ZNF723: variants seen among roughly 807,000 people sequenced by gnomAD.
ZNF723 encodes zinc finger protein 723.
ZNF723 carries 5 observed loss-of-function variants against 9.4 expected under a neutral mutation model. That is an observed-to-expected ratio of 0.53 (90% CI 0.28 to 1.12). The LOEUF (loss-of-function observed/expected upper bound fraction) is 1.12. ZNF723 is among the 50% of genes most tolerant of loss of function. ZNF723 has a pLI of 0.10. For synonymous variants in ZNF723, 158 were observed against 168.8 expected (o/e 0.94, Z 0.49); for missense variants, 450 against 501.5 (o/e 0.90, Z 0.98).
chr19:22,835,105 A>AC (rs540676641), intron 1 of ZNF723, among the ~76,000 whole-genome samples: 254 of 141,426 alleles, frequency 1.8e-3, no homozygotes, highest in African/African-American at 6.9e-3. Context: ...CTCTCTTGTC[A>AC]CCCAGGCTTA....
intron 1 of ZNF723, among the ~76,000 whole-genome samples, chr19:22,836,854 T>C (rs1466132414): frequency 6.6e-6 from 1 of 152,218 alleles, no homozygotes; most frequent in African/African-American, 2.4e-5. Context: ...TCATCTTTCT[T>C]CCATTTGACA....
intron 1 of ZNF723, among the ~76,000 whole-genome samples, chr19:22,836,978 C>A (rs1967175510): frequency 6.6e-6 from 1 of 152,010 alleles, no homozygotes; most frequent in Admixed American, 6.6e-5. Context: ...TGGAAGTCCC[C>A]AGTTTTTAAA....
At chr19:22,826,309 C>A in the ZNF723 span, among the ~76,000 whole-genome samples, 2 of 151,522 alleles carry the variant, frequency 1.3e-5, no homozygotes, top group Non-Finnish European at 2.9e-5. Context: ...ATACCTATGC[C>A]CGGCTAACAG....
At chr19:22,836,060 T>C (rs1967161882) in intron 1 of ZNF723, among the ~76,000 whole-genome samples, 1 of 140,496 alleles carries the variant, frequency 7.1e-6, no homozygotes, top group East Asian at 2.0e-4. Context: ...ACTGAGTAAA[T>C]AACTGACATA....
chr19:22,816,977 G>A, the ZNF723 span, among the ~76,000 whole-genome samples: 27 of 152,230 alleles, frequency 1.8e-4, no homozygotes, highest in Admixed American at 2.0e-4. Context: ...CCTAGGTGAT[G>A]CGGCTATTTT....
intron 3 of ZNF723, among the ~76,000 whole-genome samples, chr19:22,856,857 T>C (rs1967486920): frequency 6.6e-6 from 1 of 152,186 alleles, no homozygotes; most frequent in African/African-American, 2.4e-5. Flanking sequence ...AAGAGCTGTT[T>C]TGGGTAGATG....
intron 1 of ZNF723, among the ~76,000 whole-genome samples, chr19:22,833,175 C>T (rs549478035): frequency 2.0e-5 from 3 of 151,712 alleles, no homozygotes; most frequent in Non-Finnish European, 2.9e-5. Flanking sequence ...TTTTTTGAGA[C>T]GGAATTTCAC....
In ZNF723 at chr19:22,849,256, G is replaced by T; in HGVS notation, c.189G>T (p.Trp63Cys). ...GTCTGGAGCAAGGAAAAGAGCCCTG[G>T]AATATGAAGAGACACAAGATGGTAG... ...ITCLEQGKEPWNMKRHKMVAK... is the reference protein window; with the variant it reads ...ITCLEQGKEPCNMKRHKMVAK... The change falls in exon 3 of 4, where the codon TGG (tryptophan) becomes TGT (cysteine). Residue 63 changes from tryptophan (W) to cysteine (C), a missense_variant. Around this residue, in one of 5 missense-constraint regions of ZNF723, gnomAD observed 143 missense variants for 101.3 expected, o/e 1.41. Transcript: ENST00000600766. 2 of 652,070 alleles carry T rather than the reference G, an allele frequency of 3.1e-6. No homozygotes were observed. Among genetic ancestry groups the T allele is most frequent in the Admixed American group, 4.3e-5 (2 of 46,484 alleles). The allele number at this position is 652,070 out of a possible 1,614,324, so 40.4% of individuals were successfully genotyped here.
intron 3 of ZNF723, among the ~76,000 whole-genome samples, chr19:22,853,949 T>C (rs1171820570): frequency 6.6e-6 from 1 of 152,232 alleles, no homozygotes; most frequent in Non-Finnish European, 1.5e-5. Flanking sequence ...ATCCTGATGT[T>C]GAGGAGTGTT....
At chr19:22,822,068 C>A in the ZNF723 span, among the ~76,000 whole-genome samples, 5 of 152,156 alleles carry the variant, frequency 3.3e-5, no homozygotes, top group East Asian at 9.7e-4. Context: ...TGATATCATG[C>A]CATCGTACTC....
chr19:22,857,707 T>C lies in ZNF723; in HGVS notation c.816T>C (p.Leu272=). The part of the protein sequence containing the change: ...CGKTFNMFSS[L]NNHKRIHTGE... The stretch of plus-strand genomic sequence containing the variant: ...AAACCTTTAATATGTTCTCAAGCCT[T>C]AATAATCATAAGAGAATTCACACTG... Residue 272 remains leucine, a synonymous_variant, in exon 4 of 4, where the codon CTT becomes CTC. Transcript: ENST00000600766. The C allele has an allele frequency of 7.9e-7, 1 of 1,269,080 alleles. No individual in the cohort carries two copies. Among genetic ancestry groups the C allele is most frequent in the Non-Finnish European group, 1.2e-6 (1 of 866,240 alleles). The allele number at this position is 1,269,080 out of a possible 1,614,324, so 78.6% of individuals were successfully genotyped here. A position where few individuals can be genotyped will look rare whatever the true frequency, so the allele number is the denominator to read the frequency against.
the ZNF723 span, among the ~76,000 whole-genome samples, chr19:22,819,863 T>A: frequency 1.3e-5 from 2 of 152,142 alleles, no homozygotes; most frequent in Non-Finnish European, 2.9e-5. Flanking sequence ...CTCCTCTTTT[T>A]CCCAGGCCCT....
chr19:22,820,109 T>A, the ZNF723 span, among the ~76,000 whole-genome samples: 1 of 152,124 alleles, frequency 6.6e-6, no homozygotes, highest in African/African-American at 2.4e-5. Context: ...ATTTTTAGTA[T>A]TCTGATACAT....
In ZNF723 at chr19:22,847,054, A is replaced by C. The variant is rs184388836; in HGVS notation, c.4-1207A>C. ...TGACAGATTTTTTTTTTTTTTTACT[A>C]TAATTTTTTTCTTTGTTATTTTATT... On this transcript the variant is annotated intron_variant, in intron 1 of 3. Transcript: ENST00000600766. Among the ~76,000 whole-genome samples the C allele has an allele frequency of 1.8e-3, 266 of 144,800 alleles. 1 individual carries two copies. Among genetic ancestry groups the C allele is most frequent in the African/African-American group, 6.7e-3 (264 of 39,382 alleles). 95.0% of individuals were successfully genotyped at this position (144,800 alleles called of 152,430 possible).
chr19:22,836,585 A>G (rs1568403269), intron 1 of ZNF723, among the ~76,000 whole-genome samples: 1 of 152,180 alleles, frequency 6.6e-6, no homozygotes, highest in Non-Finnish European at 1.5e-5. Flanking sequence ...TGAAGTCAGC[A>G]TGTTCTTAGA....
At chr19:22,812,954 T>TTTTTTTTGTTTG in the ZNF723 span, among the ~76,000 whole-genome samples, 148 of 151,304 alleles carry the variant, frequency 9.8e-4, 1 homozygote, top group Non-Finnish European at 1.7e-3. Flanking sequence ...AAGGTGTTTT[T>TTTTTTTTGTTTG]TTTGTTTGTT....
intron 1 of ZNF723, among the ~76,000 whole-genome samples, chr19:22,836,545 T>C (rs915610096): frequency 6.6e-6 from 1 of 151,998 alleles, no homozygotes; most frequent in Non-Finnish European, 1.5e-5. Flanking sequence ...GGGTGAAAAA[T>C]CAGATTCTAG....
chr19:22,814,598 T>C, the ZNF723 span, among the ~76,000 whole-genome samples: 1 of 152,206 alleles, frequency 6.6e-6, no homozygotes, highest in Admixed American at 6.5e-5. Flanking sequence ...CAGACCACCT[T>C]TGAGATGGTG....
At chr19:22,830,026 T>G (rs1944800161), upstream of ZNF723, among the ~76,000 whole-genome samples, 1 of 149,388 alleles carries the variant, frequency 6.7e-6, no homozygotes, top group Admixed American at 6.6e-5. Context: ...GCCTGTTAAA[T>G]TTAATTTCTC....
Sources: gnomAD v4.1 joint callset for allele counts (sites outside exome capture counted in the v4.1 genomes callset) on GRCh38, gnomAD v4.1.1 for gene constraint, gnomAD v4.1.1 regional missense constraint, MANE v1.5 for transcripts, NCBI Gene and HGNC (gene_info 2026-07-23, HGNC 2026-07-21) for gene names.